Variants in RALGAPB observed in about 807,000 individuals in gnomAD.
The protein encoded by RALGAPB is Ral GTPase activating protein non-catalytic subunit beta.
Under a neutral mutation model 161.1 loss-of-function variants are expected in RALGAPB, and 25 were observed. That is an observed-to-expected ratio of 0.16 (90% CI 0.11 to 0.22). The LOEUF (loss-of-function observed/expected upper bound fraction) is 0.22, where lower values mean the gene tolerates loss of function less well. Ranked by LOEUF, RALGAPB falls within the 10% of genes least tolerant of loss-of-function variation. The pLI is 1.00. For synonymous variants in RALGAPB, 629 were observed against 626.1 expected (o/e 1.00, Z -0.07); for missense variants, 1,391 against 1,815.2 (o/e 0.77, Z 4.25).
chr20:38,498,874 A>G (rs566804475), intron 4 of RALGAPB, among the ~76,000 whole-genome samples: 28 of 152,270 alleles, frequency 1.8e-4, no homozygotes, highest in African/African-American at 6.7e-4. Flanking sequence ...GTGGCTTTCA[A>G]ATACTTGGAG....
intron 14 of RALGAPB, among the ~76,000 whole-genome samples, chr20:38,532,092 G>A (rs902358899): frequency 2.0e-5 from 3 of 152,120 alleles, no homozygotes; most frequent in African/African-American, 7.2e-5. Flanking sequence ...GTCTCGCTCT[G>A]ACTCCCAGGC....
In RALGAPB at chr20:38,576,878, C is replaced by T. The variant is rs2088458958; in HGVS notation, c.*1911C>T. The stretch of plus-strand genomic sequence containing the variant: ...AATAACTGATGCAGATGTACTTCTT[C>T]AGTGTGATTCTTCAGATCAAACTTT... On this transcript the variant is annotated 3_prime_UTR_variant, in exon 30 of 30. Transcript: ENST00000262879. The T allele has an allele frequency of 1.3e-5, 2 of 152,618 alleles. No homozygotes were observed. The highest frequency in any genetic ancestry group is 4.8e-5 in the African/African-American group (2 of 41,448). The allele number at this position is 152,618 out of a possible 1,614,324, so 9.5% of individuals were successfully genotyped here.
rs149376248 is a variant in RALGAPB at position 38,559,042 on chromosome 20, T to C, written c.3531+589T>C. ...GCTATGAACCAGTTTGAAAACAGAA[T>C]TAATGAAAACTATGATGCTTAGAGT... On this transcript the variant is annotated intron_variant, in intron 23 of 29. Coordinates refer to ENST00000262879, the MANE Select transcript of RALGAPB (RefSeq NM_020336.4). Among the ~76,000 whole-genome samples, 22 of 152,368 alleles carry C rather than the reference T, an allele frequency of 1.4e-4. No homozygotes were observed. The East Asian group carries it at 4.2e-3, about 29-fold the overall frequency.
chr20:38,567,753 G>A (rs888398664), intron 26 of RALGAPB, among the ~76,000 whole-genome samples: 3 of 152,200 alleles, frequency 2.0e-5, no homozygotes, highest in African/African-American at 4.8e-5. Flanking sequence ...GGTCAGAAGT[G>A]TAGGAAGATT....
chr20:38,535,062 G>T lies in RALGAPB; in HGVS notation c.2246-12G>T, dbSNP rs761554877. 11 of 1,613,136 alleles carry T rather than the reference G, an allele frequency of 6.8e-6. No individual in the cohort carries two copies. The African/African-American group carries it at 8.0e-5, about 12-fold the overall frequency. Reference sequence around the variant, plus strand: ...CCTCCCTGTGGGATGTGGCATTGGGGTTATATCCTAGCTCTTAATACAGAT... The same window carrying T: ...CCTCCCTGTGGGATGTGGCATTGGGTTTATATCCTAGCTCTTAATACAGAT... On this transcript the variant is annotated splice_polypyrimidine_tract_variant and intron_variant, in intron 15 of 29. Transcript: ENST00000262879.
intron 13 of RALGAPB, among the ~76,000 whole-genome samples, chr20:38,530,465 A>C (rs571844946): frequency 4.0e-4 from 60 of 148,974 alleles, no homozygotes; most frequent in Middle Eastern, 3.4e-3. Context: ...TTTGTTGCCC[A>C]CTCTGGTCTC....
At chr20:38,486,784 A>G (rs533529313) in intron 1 of RALGAPB, among the ~76,000 whole-genome samples, 45 of 152,366 alleles carry the variant, frequency 3.0e-4, no homozygotes, top group South Asian at 1.0e-3. Flanking sequence ...TTATTTGAAT[A>G]TAACATACAA....
chr20:38,492,441 C>G (rs1445094422), intron 2 of RALGAPB, among the ~76,000 whole-genome samples: 1 of 150,734 alleles, frequency 6.6e-6, no homozygotes, highest in African/African-American at 2.4e-5. Flanking sequence ...TTTTTTTTGG[C>G]AGAGAACAGT....
intron 1 of RALGAPB, among the ~76,000 whole-genome samples, chr20:38,475,993 GCTTAGCACTAA>G (rs1376457160): frequency 6.6e-6 from 1 of 152,074 alleles, no homozygotes; most frequent in Non-Finnish European, 1.5e-5. Flanking sequence ...CAGTTTTTAG[GCTTAGCACTAA>G]TAGAAACTGA....
rs746972433 is a variant in RALGAPB, at chr20:38,567,079, T to C, written c.3818-17T>C. 1.9e-5 allele frequency: 31 copies of C among 1,609,400 alleles called. No homozygotes were observed. The highest frequency in any genetic ancestry group is 8.0e-5 in the African/African-American group (6 of 74,568). On this transcript the variant is annotated splice_polypyrimidine_tract_variant and intron_variant, in intron 25 of 29. Transcript: ENST00000262879. ...AGTGGTATGTATTATAGTTGCTTTTTTTCCTTTACCCCATAGCTGATTCAT... is the reference window on the plus strand; with the variant it reads ...AGTGGTATGTATTATAGTTGCTTTTCTTCCTTTACCCCATAGCTGATTCAT...
intron 1 of RALGAPB, among the ~76,000 whole-genome samples, chr20:38,482,578 C>T (rs966091143): frequency 2.4e-4 from 37 of 151,914 alleles, no homozygotes; most frequent in Admixed American, 8.5e-4. Context: ...CAGGCACACA[C>T]CACTAAGCCC....
At chr20:38,507,459 A>G (rs1015110455) in intron 5 of RALGAPB, among the ~76,000 whole-genome samples, 5 of 150,164 alleles carry the variant, frequency 3.3e-5, no homozygotes, top group South Asian at 2.1e-4. Flanking sequence ...AGCAGCCTCA[A>G]CCTCCCCAGG....
intron 19 of RALGAPB, 110 bp from the exon 20 acceptor site, chr20:38,548,579 A>G: frequency 1.2e-6 from 1 of 838,142 alleles, no homozygotes; most frequent in Non-Finnish European, 1.9e-6. Flanking sequence ...ATCAAAGCTT[A>G]GGAAACACTG....
At position 38,489,472 on chromosome 20, in the gene RALGAPB, C is replaced by T. The variant is rs562360990; in HGVS notation, c.186+854C>T. Among the ~76,000 whole-genome samples, 8 of 152,282 alleles carry T rather than the reference C, an allele frequency of 5.3e-5. No homozygotes were observed. The East Asian group carries it at 5.8e-4, about 11-fold the overall frequency. On this transcript the variant is annotated intron_variant, in intron 2 of 29. Transcript: ENST00000262879. ...GCTGGCCCTTTGTTCTTGGGTTCAG[C>T]GGCCCAGGCTGAAGTTAAAAAGTTG...
At chr20:38,488,117 A>G (rs2085171530) in intron 1 of RALGAPB, among the ~76,000 whole-genome samples, 1 of 152,224 alleles carries the variant, frequency 6.6e-6, no homozygotes, top group Non-Finnish European at 1.5e-5. Context: ...ATATATTACA[A>G]AGGAAACAAG....
At chr20:38,545,384 CAGAT>C (rs994897219) in intron 18 of RALGAPB, among the ~76,000 whole-genome samples, 1 of 152,100 alleles carries the variant, frequency 6.6e-6, no homozygotes, top group African/African-American at 2.4e-5. Context: ...ACAATCCTAT[CAGAT>C]AGGTACCATT....
chr20:38,546,399 A>G lies in RALGAPB; in HGVS notation c.2871A>G (p.Ala957=). The change falls in exon 19 of 30, where the codon GCA becomes GCG. Residue 957 remains alanine (A), a synonymous_variant. Coordinates refer to ENST00000262879, the MANE Select transcript of RALGAPB (RefSeq NM_020336.4). ...YFVLDNSVIL[A]MLEQPLGNEQ... is the part of the protein sequence containing the mutation. ...TCTTGGATAACAGTGTCATCCTGGC[A>G]ATGCTGGAACAACCTCTTGGAAATG... The G allele has an allele frequency of 6.2e-7, 1 of 1,614,050 alleles. No homozygotes were observed. Among genetic ancestry groups the G allele is most frequent in the Non-Finnish European group, 8.5e-7 (1 of 1,179,956 alleles).
chr20:38,515,783 A>T (rs956367330), intron 6 of RALGAPB, among the ~76,000 whole-genome samples: 1 of 151,678 alleles, frequency 6.6e-6, no homozygotes, highest in African/African-American at 2.4e-5. Flanking sequence ...TCAGGCTGGA[A>T]TGCATTGGCA....
At chr20:38,546,633 G>C in intron 19 of RALGAPB, 1 of 603,598 alleles carries the variant, frequency 1.7e-6, no homozygotes, top group Non-Finnish European at 2.8e-6. Flanking sequence ...AAAGGCTCTT[G>C]ATGTGCATCT....
Sources: allele counts gnomAD v4.1 joint callset (sites outside exome capture counted in the v4.1 genomes callset), GRCh38; gene constraint gnomAD v4.1.1; transcripts MANE v1.5; gene names NCBI Gene and HGNC (gene_info 2026-07-23, HGNC 2026-07-21).